EEF2K: variants seen among roughly 807,000 people sequenced by gnomAD.
EEF2K encodes the protein alternative protein EEF2K.
Under a neutral mutation model 93.8 loss-of-function variants are expected in EEF2K, and 70 were observed. That is an observed-to-expected ratio of 0.75 (90% CI 0.62 to 0.91). EEF2K has a LOEUF of 0.91. EEF2K is among the 40% of genes least tolerant of loss of function. EEF2K has a pLI of 0.00. For missense variants in EEF2K, 935 were observed against 972.9 expected, an observed-to-expected ratio of 0.96 and a Z score of 0.52; for synonymous variants, 376 against 380.8, an observed-to-expected ratio of 0.99 and a Z score of 0.15.
intron 11 of EEF2K, among the ~76,000 whole-genome samples, chr16:22,262,451 A>C (rs2047475073): frequency 6.6e-6 from 1 of 152,180 alleles, no homozygotes. Flanking sequence ...TAGAGGTTGC[A>C]GTGAGCTGAG....
At position 22,233,950 on chromosome 16, in the gene EEF2K, C is replaced by T. The variant is rs373547796; in HGVS notation, c.246+7975C>T. Among the ~76,000 whole-genome samples, 4 of 152,150 alleles carry T rather than the reference C, an allele frequency of 2.6e-5. 1 individual carries two copies. The highest frequency in any genetic ancestry group is 6.6e-5 in the Admixed American group (1 of 15,258). On this transcript the variant is annotated intron_variant, in intron 2 of 17. Transcript: ENST00000263026. The stretch of plus-strand genomic sequence containing the variant: ...GTTATTTAATGGCTGAATATCATTT[C>T]ATTGTTGGAAGCACCATAATAAATG...
At chr16:22,274,840 C>T (rs903515614) in intron 16 of EEF2K, among the ~76,000 whole-genome samples, 5 of 152,128 alleles carry the variant, frequency 3.3e-5, no homozygotes, top group Admixed American at 2.6e-4. Context: ...AACTCCTGGG[C>T]TCAAGCAACC....
intron 16 of EEF2K, among the ~76,000 whole-genome samples, chr16:22,279,233 CCT>C (rs1308878597): frequency 4.3e-5 from 6 of 139,866 alleles, no homozygotes; most frequent in Middle Eastern, 3.5e-3. Context: ...CAACTTGACT[CCT>C]CTTTTTTTTT....
Position 22,280,363 on chromosome 16 carries a change from C to T in EEF2K, c.2055C>T (p.Asp685=), listed in dbSNP as rs746721606. ...CAGGAGGCTACGGGCTGGAGAAGGA[C>T]CCGCAGAGATCAGGTAGGGCCTGGC... The part of the protein sequence containing the change: ...LFTGGYGLEK[D]PQRSGDLYTQ... The change falls in exon 17 of 18, where the codon GAC becomes GAT. Residue 685 remains aspartate, a synonymous_variant. Transcript: ENST00000263026. The T allele has an allele frequency of 6.4e-7, 1 of 1,573,302 alleles. No individual in the cohort carries two copies. The highest frequency in any genetic ancestry group is 8.6e-7 in the Non-Finnish European group (1 of 1,159,304).
chr16:22,269,354 C>A (rs963180987), intron 15 of EEF2K, among the ~76,000 whole-genome samples: 2 of 152,098 alleles, frequency 1.3e-5, no homozygotes, highest in African/African-American at 4.8e-5. Context: ...GTAAAGACAG[C>A]AGTCATATAG....
intron 16 of EEF2K, among the ~76,000 whole-genome samples, chr16:22,276,750 A>G (rs1315552346): frequency 6.6e-6 from 1 of 152,164 alleles, no homozygotes; most frequent in Non-Finnish European, 1.5e-5. Flanking sequence ...AATCTAGTCT[A>G]GTGTCTCCTA....
At chr16:22,247,037 CAAAAAAAAAAAAAAAAA>C (rs57073413) in intron 3 of EEF2K, among the ~76,000 whole-genome samples, 1 of 13,700 alleles carries the variant, frequency 7.3e-5, no homozygotes, top group Admixed American at 1.6e-3. Flanking sequence ...GACTCCATCT[CAAAAAAAAAAAAAAAAA>C]AAAAAAAAAA....
chr16:22,251,179 C>T lies in EEF2K; in HGVS notation c.475C>T (p.Gln159Ter), dbSNP rs2047346840. 1 of 1,614,060 alleles carries T rather than the reference C, an allele frequency of 6.2e-7. No individual in the cohort carries two copies. The highest frequency in any genetic ancestry group is 8.5e-7 in the Non-Finnish European group (1 of 1,179,984). The change falls in exon 6 of 18, where the codon CAG becomes TAG. Residue 159 changes from glutamine to a stop codon, truncating the protein, a stop_gained. Transcript: ENST00000263026. LOFTEE classifies it high-confidence loss of function. The stretch of plus-strand genomic sequence containing the variant: ...GAAGCTCTCCAACTTCTTGCATGCC[C>T]AGCAGTGGAAGGGCGCCTCCAACTA... ...TKKLSNFLHA[Q>*]QWKGASNYVA...
At position 22,287,721 on chromosome 16, in the gene EEF2K, C is replaced by T. The variant is rs1168412169; in HGVS notation, c.*3725C>T. 1.3e-5 allele frequency: 2 copies of T among 152,224 alleles called. No homozygotes were observed. The highest frequency in any genetic ancestry group is 4.8e-5 in the African/African-American group (2 of 41,464). 9.4% of individuals were successfully genotyped at this position (152,224 alleles called of 1,614,324 possible). A position where few individuals can be genotyped will look rare whatever the true frequency, so the allele number is the denominator to read the frequency against. ...AGAAGCGAAAAAAACTCCCAAACCC[C>T]AGTGTTCCTGAATATCTGTTCTCCC... On this transcript the variant is annotated 3_prime_UTR_variant, in exon 18 of 18. Transcript: ENST00000263026.
intron 6 of EEF2K, among the ~76,000 whole-genome samples, chr16:22,254,838 TG>T (rs529733543): frequency 4.0e-5 from 6 of 150,866 alleles, no homozygotes; most frequent in Admixed American, 3.3e-4. Flanking sequence ...AAGCCCGGGG[TG>T]GGGGGGCGGA....
chr16:22,283,396 C>G (rs1289133182), intron 17 of EEF2K, among the ~76,000 whole-genome samples: 2 of 150,134 alleles, frequency 1.3e-5, no homozygotes, highest in African/African-American at 4.9e-5. Flanking sequence ...GCTCCAAAAA[C>G]CTGAAGTATA....
rs565379821 is a variant in EEF2K at position 22,287,951 on chromosome 16, A to G, written c.*3955A>G. On this transcript the variant is annotated 3_prime_UTR_variant, in exon 18 of 18. Transcript: ENST00000263026. The stretch of plus-strand genomic sequence containing the variant: ...ATCCTCCTGCCTCAGCCTCTCAAGT[A>G]GCTAAAACTACAGATGTGCACCATC... 3 of 151,628 alleles carry G rather than the reference A, an allele frequency of 2.0e-5. No homozygotes were observed. The East Asian group carries it at 5.9e-4, about 30-fold the overall frequency. The allele number at this position is 151,628 out of a possible 1,614,324, so 9.4% of individuals were successfully genotyped here. A position where few individuals can be genotyped will look rare whatever the true frequency, so the allele number is the denominator to read the frequency against.
At chr16:22,207,049 T>C (rs1598154974) in intron 1 of EEF2K, among the ~76,000 whole-genome samples, 2 of 152,138 alleles carry the variant, frequency 1.3e-5, no homozygotes, top group East Asian at 3.8e-4. Context: ...CAGAGCCGCA[T>C]CCCCCACCTT....
At chr16:22,247,406 C>G (rs1478946990) in intron 3 of EEF2K, among the ~76,000 whole-genome samples, 2 of 151,600 alleles carry the variant, frequency 1.3e-5, no homozygotes, top group South Asian at 4.2e-4. Flanking sequence ...CAAGATTGCT[C>G]CACTGCACTC....
At chr16:22,208,959 CTT>C (rs2046890204) in intron 1 of EEF2K, among the ~76,000 whole-genome samples, 1 of 152,116 alleles carries the variant, frequency 6.6e-6, no homozygotes. Context: ...ACCTCTCACT[CTT>C]TCCTTATTTG....
intron 2 of EEF2K, among the ~76,000 whole-genome samples, chr16:22,234,786 T>TG (rs958099858): frequency 1.3e-5 from 2 of 151,850 alleles, no homozygotes; most frequent in African/African-American, 4.8e-5. Context: ...TCTCTGGACT[T>TG]GCCTTTTCTG....
rs913369306 is a variant in EEF2K at position 22,229,471 on chromosome 16, G to A, written c.246+3496G>A. On this transcript the variant is annotated intron_variant, in intron 2 of 17. Coordinates refer to ENST00000263026, the MANE Select transcript of EEF2K (RefSeq NM_013302.5). ...GGCTCACGCCTGTAATCCCAGCACG[G>A]GCAGGCAGATCACCTGAGGTCAGGA... 2.0e-5 allele frequency among the ~76,000 whole-genome samples: 3 copies of A among 152,098 alleles called. No homozygotes were observed. In the South Asian group the frequency reaches 6.2e-4, roughly 31 times the overall value.
chr16:22,207,934 G>C (rs2046879279), intron 1 of EEF2K, among the ~76,000 whole-genome samples: 2 of 152,200 alleles, frequency 1.3e-5, no homozygotes, highest in South Asian at 4.1e-4. Flanking sequence ...GGTGGAAGGA[G>C]GTAGAGTTCA....
intron 6 of EEF2K, among the ~76,000 whole-genome samples, chr16:22,254,938 G>A (rs1467927214): frequency 6.6e-6 from 1 of 152,108 alleles, no homozygotes; most frequent in Non-Finnish European, 1.5e-5. Flanking sequence ...AGGCATGGAG[G>A]CGGGTGCCTG....
Sources: allele counts gnomAD v4.1 joint callset (sites outside exome capture counted in the v4.1 genomes callset), GRCh38; gene constraint gnomAD v4.1.1; transcripts MANE v1.5; gene names NCBI Gene and HGNC (gene_info 2026-07-23, HGNC 2026-07-21).